Variants in ROCK1 observed in about 807,000 individuals in gnomAD.
ROCK1 encodes the protein Rho associated coiled-coil containing protein kinase 1.
Under a neutral mutation model 196.8 loss-of-function variants are expected in ROCK1, and 36 were observed. That is an observed-to-expected ratio of 0.18 (90% CI 0.14 to 0.24). The LOEUF (loss-of-function observed/expected upper bound fraction) is 0.24, where lower values mean the gene tolerates loss of function less well. Among genes scored for constraint, ROCK1 ranks in the 10% least tolerant of loss-of-function variants. ROCK1 has a pLI of 1.00. For missense variants in ROCK1, 920 were observed against 1,562.0 expected (o/e 0.59, Z 6.93); for synonymous variants, 443 against 515.9 (o/e 0.86, Z 1.91).
At chr18:20,995,941 A>G (rs555409909) in intron 16 of ROCK1, among the ~76,000 whole-genome samples, 8 of 152,240 alleles carry the variant, frequency 5.3e-5, no homozygotes, top group African/African-American at 1.9e-4. Flanking sequence ...TCCAAAAATG[A>G]CAGGTACAAA....
Position 21,034,552 on chromosome 18 carries a change from A to G in ROCK1, c.1051+4920T>C, listed in dbSNP as rs2036040210. 2.0e-5 allele frequency among the ~76,000 whole-genome samples: 3 copies of G among 152,208 alleles called. No individual in the cohort carries two copies. In the South Asian group the frequency reaches 6.2e-4, roughly 31 times the overall value. ...CAACAACTTTCAATGCAGGGAAAGGACAGTCCTTTCAACACATAGTGTTAG... is the reference window on the plus strand; with the variant it reads ...CAACAACTTTCAATGCAGGGAAAGGGCAGTCCTTTCAACACATAGTGTTAG... On this transcript the variant is annotated intron_variant, in intron 9 of 32. Coordinates refer to ENST00000399799, the MANE Select transcript of ROCK1 (RefSeq NM_005406.3).
At chr18:21,099,826 A>G (rs2036643312) in intron 1 of ROCK1, among the ~76,000 whole-genome samples, 1 of 152,166 alleles carries the variant, frequency 6.6e-6, no homozygotes, top group African/African-American at 2.4e-5. Context: ...ACTTGAGCTC[A>G]GGAGTTCGAG....
intron 9 of ROCK1, among the ~76,000 whole-genome samples, chr18:21,034,558 C>T (rs2036040369): frequency 6.6e-6 from 1 of 152,148 alleles, no homozygotes; most frequent in Non-Finnish European, 1.5e-5. Flanking sequence ...AAGGACAGTC[C>T]TTTCAACACA....
intron 1 of ROCK1, among the ~76,000 whole-genome samples, chr18:21,082,124 G>T (rs879542293): frequency 6.6e-6 from 1 of 151,498 alleles, no homozygotes; most frequent in African/African-American, 2.4e-5. Context: ...TTTTTTTTAG[G>T]GATGGGGTTT....
At chr18:20,955,275 C>T (rs772528582) in intron 29 of ROCK1, 30 bp from the exon 30 acceptor site, 3 of 1,565,816 alleles carry the variant, frequency 1.9e-6, no homozygotes, top group Admixed American at 4.0e-5. Flanking sequence ...AGGCCATTTA[C>T]AAAAACTCAT....
chr18:21,093,124 T>A (rs2036584852), intron 1 of ROCK1, among the ~76,000 whole-genome samples: 2 of 152,216 alleles, frequency 1.3e-5, no homozygotes, highest in African/African-American at 4.8e-5. Flanking sequence ...GTACATTATA[T>A]CTAAATTGGT....
At chr18:20,969,378 TAGTTAAC>T (rs1211074428) in intron 23 of ROCK1, 170 bp from the exon 24 acceptor site, 3 of 497,688 alleles carry the variant, frequency 6.0e-6, no homozygotes, top group African/African-American at 5.9e-5. Context: ...TATTTAAAAG[TAGTTAAC>T]AGCATCCAAA....
At chr18:20,985,370 C>G (rs2035569079) in intron 19 of ROCK1, among the ~76,000 whole-genome samples, 1 of 152,140 alleles carries the variant, frequency 6.6e-6, no homozygotes, top group South Asian at 2.1e-4. Context: ...TCTTCAGATC[C>G]TCAAATGCAA....
chr18:21,006,908 C>T, intron 14 of ROCK1, 118 bp from the exon 15 acceptor site: 3 of 645,890 alleles, frequency 4.6e-6, no homozygotes, highest in Non-Finnish European at 7.5e-6. Flanking sequence ...ACATTAGGTC[C>T]ACTCCCAAAG....
intron 16 of ROCK1, among the ~76,000 whole-genome samples, chr18:20,996,484 T>G (rs953200097): frequency 1.1e-4 from 16 of 152,016 alleles, no homozygotes; most frequent in African/African-American, 3.6e-4. Flanking sequence ...GAAAGAGAGA[T>G]AGGGGTAGAA....
At chr18:20,988,514 C>T (rs952959141) in intron 18 of ROCK1, among the ~76,000 whole-genome samples, 3 of 152,134 alleles carry the variant, frequency 2.0e-5, no homozygotes, top group South Asian at 2.1e-4. Context: ...CACAGAGCAG[C>T]GGGAATGATC....
rs1423054164 is a variant in ROCK1 at position 21,042,101 on chromosome 18, C to T, written c.955G>A (p.Asp319Asn). 6.3e-7 allele frequency: 1 copy of T among 1,595,900 alleles called. No homozygotes were observed. The highest frequency in any genetic ancestry group is 1.9e-5 in the Admixed American group (1 of 54,032). ...CTCAGTTTTAAAATTATTTACCTGTCAGTAAGGAAGGCACAAATAAGGTTT... is the reference window on the plus strand; with the variant it reads ...CTCAGTTTTAAAATTATTTACCTGTTAGTAAGGAAGGCACAAATAAGGTTT... ...AKNLICAFLT[D>N]REVRLGRNGV... Residue 319 changes from aspartate (D) to asparagine (N), a missense_variant, in exon 8 of 33, where the codon GAC (aspartate) becomes AAC (asparagine). By Grantham distance (23) the Asp-to-Asn change is conservative (BLOSUM62 1). Transcript: ENST00000399799.
At chr18:20,959,531 T>G (rs1391570836) in intron 29 of ROCK1, among the ~76,000 whole-genome samples, 1 of 151,178 alleles carries the variant, frequency 6.6e-6, no homozygotes, top group African/African-American at 2.4e-5. Context: ...ATATTTTCTA[T>G]CCACAGTTGT....
At chr18:21,003,685 G>A (rs2035745618) in intron 16 of ROCK1, among the ~76,000 whole-genome samples, 1 of 152,118 alleles carries the variant, frequency 6.6e-6, no homozygotes, top group African/African-American at 2.4e-5. Flanking sequence ...GGTTTTTGAA[G>A]CTTAATGAGT....
chr18:21,014,137 G>A (rs1424321566), intron 13 of ROCK1, among the ~76,000 whole-genome samples: 1 of 151,546 alleles, frequency 6.6e-6, no homozygotes, highest in Non-Finnish European at 1.5e-5. Context: ...AGCAGTGATA[G>A]TGTAAGTTTT....
At chr18:21,101,905 T>C (rs1343899236) in intron 1 of ROCK1, among the ~76,000 whole-genome samples, 3 of 151,860 alleles carry the variant, frequency 2.0e-5, no homozygotes, top group Non-Finnish European at 4.4e-5. Context: ...TATTGAAGTA[T>C]GTAAGGATGA....
chr18:21,103,169 T>C (rs1386053553), intron 1 of ROCK1, among the ~76,000 whole-genome samples: 8 of 152,126 alleles, frequency 5.3e-5, no homozygotes, highest in African/African-American at 7.2e-5. Context: ...TTAATAGATA[T>C]ACAAATAAAA....
In ROCK1 at chr18:20,992,842, G is replaced by T; in HGVS notation, c.1981C>A (p.His661Asn). ...ERKEAQDMLNHSEKEKNNLEI... is the reference protein window; with the variant it reads ...ERKEAQDMLNNSEKEKNNLEI... The stretch of plus-strand genomic sequence containing the variant: ...GTTAAATCATTTACCTTTTCTGAGT[G>T]ATTAAGCATGTCTTGAGCCTCTTTT... Residue 661 changes from histidine (H) to asparagine (N), a missense_variant, in exon 17 of 33, where the codon CAC becomes AAC. Physicochemically the swap from His to Asn is moderately conservative, Grantham distance 68. Transcript: ENST00000399799. 1 of 1,589,334 alleles carries T rather than the reference G, an allele frequency of 6.3e-7. No individual in the cohort carries two copies. Among genetic ancestry groups the T allele is most frequent in the Non-Finnish European group, 8.6e-7 (1 of 1,158,446 alleles).
intron 1 of ROCK1, among the ~76,000 whole-genome samples, chr18:21,086,869 C>T (rs573635956): frequency 8.0e-5 from 12 of 150,194 alleles, no homozygotes; most frequent in Admixed American, 2.0e-4. Context: ...AAATAGAAGA[C>T]GATGAAAGAA....
Sources: allele counts gnomAD v4.1 joint callset (sites outside exome capture counted in the v4.1 genomes callset), GRCh38; gene constraint gnomAD v4.1.1; transcripts MANE v1.5; gene names NCBI Gene and HGNC (gene_info 2026-07-23, HGNC 2026-07-21).